Variants in SAMD13 observed in about 807,000 individuals in gnomAD.
SAMD13 encodes sterile alpha motif domain containing 13.
A neutral mutation model predicts 12.4 loss-of-function variants in SAMD13; 9 were observed. That is an observed-to-expected ratio of 0.72 (90% CI 0.44 to 1.26). The LOEUF (loss-of-function observed/expected upper bound fraction) is 1.26, where lower values mean the gene tolerates loss of function less well. Among genes scored for constraint, SAMD13 ranks in the 50% most tolerant of loss-of-function variants. SAMD13 has a pLI of 0.00. For synonymous variants in SAMD13, 46 were observed against 45.4 expected (o/e 1.01, Z -0.05); for missense variants, 84 against 119.6 (o/e 0.70, Z 1.39).
intron 2 of SAMD13, among the ~76,000 whole-genome samples, chr1:84,311,973 A>G (rs1383079352): frequency 6.6e-6 from 1 of 152,150 alleles, no homozygotes; most frequent in African/African-American, 2.4e-5. Flanking sequence ...TGGCTTTTAC[A>G]TTTTGAATCA....
chr1:84,301,377 A>G (rs1324778040), upstream of SAMD13, among the ~76,000 whole-genome samples: 1 of 152,256 alleles, frequency 6.6e-6, no homozygotes, highest in Non-Finnish European at 1.5e-5. Context: ...AGTTTGAAAC[A>G]TGACATTCAT....
chr1:84,333,232 C>G (rs1679228243), intron 3 of SAMD13, among the ~76,000 whole-genome samples: 1 of 152,090 alleles, frequency 6.6e-6, no homozygotes, highest in Admixed American at 6.6e-5. Flanking sequence ...ATAGTTTTCT[C>G]CAGTTCTGTG....
At chr1:84,324,398 G>A (rs369205573) in intron 2 of SAMD13, among the ~76,000 whole-genome samples, 3 of 152,208 alleles carry the variant, frequency 2.0e-5, no homozygotes, top group Non-Finnish European at 2.9e-5. Context: ...GTTAATTTCT[G>A]GCTGTCTTTT....
At chr1:84,331,332 A>AG in intron 3 of SAMD13, among the ~76,000 whole-genome samples, 1 of 23,578 alleles carries the variant, frequency 4.2e-5, no homozygotes, top group African/African-American at 7.2e-5. Context: ...CCTTGGTAAA[A>AG]AAAAAAAAAA....
chr1:84,341,240 T>G (rs1293340652), intron 3 of SAMD13, among the ~76,000 whole-genome samples: 1 of 152,180 alleles, frequency 6.6e-6, no homozygotes, highest in African/African-American at 2.4e-5. Flanking sequence ...TCATGGACAT[T>G]AAGGGAGTTC....
Position 84,349,889 on chromosome 1 carries a change from C to G in SAMD13, c.*115C>G. On this transcript the variant is annotated 3_prime_UTR_variant, in exon 4 of 4. Coordinates refer to ENST00000394834, the MANE Select transcript of SAMD13 (RefSeq NM_001134663.2). ...ATGTGTATATGTAAAGAATTTCAAT[C>G]AAATGAAACGTTATCCTATTGGATA... 6.9e-7 allele frequency: 1 copy of G among 1,446,852 alleles called. No individual in the cohort carries two copies. The highest frequency in any genetic ancestry group is 1.4e-5 in the African/African-American group (1 of 70,640). The allele number at this position is 1,446,852 out of a possible 1,614,324, so 89.6% of individuals were successfully genotyped here.
chr1:84,298,562 G>C (rs554635247), upstream of SAMD13: 15 of 1,278,710 alleles, frequency 1.2e-5, no homozygotes, highest in East Asian at 8.7e-5. Flanking sequence ...GCGGCCATGC[G>C]GGGAGGTAAG....
chr1:84,329,573 A>G (rs1341751463), intron 3 of SAMD13, among the ~76,000 whole-genome samples: 3 of 152,314 alleles, frequency 2.0e-5, no homozygotes, highest in African/African-American at 7.2e-5. Context: ...TTCCTGTGGT[A>G]TGGAGAAGCA....
chr1:84,326,453 A>G (rs1420421584), intron 3 of SAMD13, among the ~76,000 whole-genome samples: 1 of 152,140 alleles, frequency 6.6e-6, no homozygotes, highest in Non-Finnish European at 1.5e-5. Flanking sequence ...TGGTATTAGA[A>G]AGAGGGAGAA....
chr1:84,301,494 G>A (rs923404664), upstream of SAMD13: 4 of 379,334 alleles, frequency 1.1e-5, no homozygotes, highest in Non-Finnish European at 3.6e-6. Flanking sequence ...CAGGTGCAGG[G>A]AGAATTCTGC....
At chr1:84,328,236 C>A (rs72942078) in intron 3 of SAMD13, among the ~76,000 whole-genome samples, 2,975 of 152,214 alleles carry the variant, frequency 0.02, 101 homozygotes, top group African/African-American at 0.067. Flanking sequence ...CACTTTCTCC[C>A]ATGGATGATC....
chr1:84,322,619 A>T (rs541714364), intron 2 of SAMD13, among the ~76,000 whole-genome samples: 1 of 152,238 alleles, frequency 6.6e-6, no homozygotes, highest in Admixed American at 6.5e-5. Flanking sequence ...CGATAGTCTA[A>T]TGTGATTTTT....
intron 2 of SAMD13, 54 bp from the exon 3 acceptor site, chr1:84,325,583 C>A (rs1003619197): frequency 6.4e-6 from 7 of 1,101,564 alleles, no homozygotes; most frequent in African/African-American, 1.5e-5. Flanking sequence ...GTGAGCCTGG[C>A]CACACCCTTG....
intron 2 of SAMD13, among the ~76,000 whole-genome samples, chr1:84,309,429 A>G (rs1257597649): frequency 6.6e-6 from 1 of 152,192 alleles, no homozygotes; most frequent in Non-Finnish European, 1.5e-5. Context: ...ACTGTGATAA[A>G]TGCTACCTTG....
intron 2 of SAMD13, among the ~76,000 whole-genome samples, chr1:84,321,374 A>G (rs1678939923): frequency 6.6e-6 from 1 of 152,138 alleles, no homozygotes; most frequent in East Asian, 1.9e-4. Flanking sequence ...AAATATATAT[A>G]TTAAAGATTC....
intron 2 of SAMD13, among the ~76,000 whole-genome samples, chr1:84,320,209 GTTGAACAGAAAGGGT>G (rs1233017143): frequency 6.6e-6 from 1 of 152,210 alleles, no homozygotes; most frequent in Non-Finnish European, 1.5e-5. Flanking sequence ...ATCCCTGGAA[GTTGAACAGAAAGGGT>G]TTGACTGACA....
At chr1:84,327,775 C>T (rs1679090061) in intron 3 of SAMD13, among the ~76,000 whole-genome samples, 1 of 152,058 alleles carries the variant, frequency 6.6e-6, no homozygotes, top group Non-Finnish European at 1.5e-5. Flanking sequence ...AAAGCAAGTA[C>T]AGGAAATGTT....
chr1:84,331,969 T>C (rs1679199831), intron 3 of SAMD13, among the ~76,000 whole-genome samples: 1 of 152,150 alleles, frequency 6.6e-6, no homozygotes. Flanking sequence ...CTCCCACTTA[T>C]GAGAACATAA....
At chr1:84,343,753 C>T (rs971177303) in intron 3 of SAMD13, among the ~76,000 whole-genome samples, 3 of 152,014 alleles carry the variant, frequency 2.0e-5, no homozygotes, top group Non-Finnish European at 2.9e-5. Flanking sequence ...CTAATGCATG[C>T]TGGGCTTAAT....
Sources: allele counts gnomAD v4.1 joint callset (sites outside exome capture counted in the v4.1 genomes callset), GRCh38; gene constraint gnomAD v4.1.1; transcripts MANE v1.5; gene names NCBI Gene and HGNC (gene_info 2026-07-23, HGNC 2026-07-21).